KIAA0586: variants seen among roughly 807,000 people sequenced by gnomAD.
KIAA0586 encodes protein TALPID3.
A neutral mutation model predicts 169.8 loss-of-function variants in KIAA0586; 144 were observed. The ratio of observed to expected loss-of-function variants is 0.85; its 90% CI spans 0.74 to 0.97. KIAA0586 has a LOEUF of 0.97. KIAA0586 is among the 50% of genes least tolerant of loss of function. The pLI, the probability that KIAA0586 is intolerant of heterozygous loss-of-function variation, is 0.00. For synonymous variants in KIAA0586, 625 were observed against 612.4 expected (o/e 1.02, Z -0.30); for missense variants, 1,854 against 1,823.0 (o/e 1.02, Z -0.31).
intron 21 of KIAA0586, among the ~76,000 whole-genome samples, chr14:58,486,288 C>CT (rs1281447468): frequency 6.6e-6 from 1 of 152,094 alleles, no homozygotes. Context: ...GATTTTTGTT[C>CT]TTTTTTATGG....
chr14:58,487,868 T>TC lies in KIAA0586; in HGVS notation c.3305-19_3305-18insC. 7.0e-7 allele frequency: 1 copy of TC among 1,432,306 alleles called. No homozygotes were observed. The highest frequency in any genetic ancestry group is 9.2e-7 in the Non-Finnish European group (1 of 1,090,024). 88.7% of individuals were successfully genotyped at this position (1,432,306 alleles called of 1,614,324 possible). On this transcript the variant is annotated intron_variant, in intron 22 of 30. Transcript: ENST00000652326. ...ACTGACTACTATCTTTTTCTGTCCTTTTAAAAAAAAACCTTTAGGAGATGA... is the reference window on the plus strand; with the variant it reads ...ACTGACTACTATCTTTTTCTGTCCTTCTTAAAAAAAAACCTTTAGGAGATGA...
intron 4 of KIAA0586, among the ~76,000 whole-genome samples, chr14:58,436,742 A>G (rs1322195122): frequency 6.6e-6 from 1 of 152,222 alleles, no homozygotes; most frequent in African/African-American, 2.4e-5. Context: ...GAATACATTC[A>G]GTTTGGAATA....
chr14:58,436,706 C>T (rs2037850103), intron 4 of KIAA0586, among the ~76,000 whole-genome samples: 1 of 151,996 alleles, frequency 6.6e-6, no homozygotes, highest in Admixed American at 6.6e-5. Context: ...TATACATACA[C>T]ACAGAATTAA....
rs552791846 is a variant in KIAA0586 at position 58,450,604 on chromosome 14, G to T, written c.987G>T (p.Thr329=). The change falls in exon 8 of 31, where the codon ACG becomes ACT. Residue 329 remains threonine, a synonymous_variant. Transcript: ENST00000652326. ...CACCTTTAAAAGAAGTTGAAGATAC[G>T]AGTTTTGATAAACAGAAATCTCCTT... ...KQAPLKEVED[T]SFDKQKSPLE... is the part of the protein sequence containing the mutation. The T allele has an allele frequency of 6.2e-7, 1 of 1,607,568 alleles. No individual in the cohort carries two copies. Among genetic ancestry groups the T allele is most frequent in the South Asian group, 1.1e-5 (1 of 89,646 alleles).
chr14:58,458,361 A>G (rs2040044747), intron 11 of KIAA0586, 112 bp from the exon 12 acceptor site: 2 of 637,356 alleles, frequency 3.1e-6, no homozygotes, highest in Non-Finnish European at 5.5e-6. Flanking sequence ...TCCTTTTCAG[A>G]TGAAAGATAT....
At chr14:58,487,739 C>A (rs1317954386) in intron 22 of KIAA0586, 148 bp from the exon 23 acceptor site, 31 of 603,066 alleles carry the variant, frequency 5.1e-5, no homozygotes. Flanking sequence ...TTAATGGCTA[C>A]CACCATTGTC....
At chr14:58,472,426 A>AGTAATTTATCAT in intron 18 of KIAA0586, 147 bp downstream of exon 18, 1 of 433,888 alleles carries the variant, frequency 2.3e-6, no homozygotes. Flanking sequence ...AAAAATTATA[A>AGTAATTTATCAT]AGTTGTTATT....
rs1191856849 is a variant in KIAA0586, at chr14:58,498,840, G to T, written c.4048G>T (p.Ala1350Ser). ...AGGACAAAGACCCCAGCTAACAGCG[G>T]CAGCAGAGAACATCTTAATGGGACA... ...SEGQRPQLTA[A>S]AENILMGHSL... The change falls in exon 27 of 31, where the codon GCA (alanine) becomes TCA (serine). Residue 1350 changes from alanine (A) to serine (S), a missense_variant. By Grantham distance (99) the Ala-to-Ser change is moderately conservative. Transcript: ENST00000652326. The T allele has an allele frequency of 6.2e-7, 1 of 1,611,468 alleles. No individual in the cohort carries two copies. The highest frequency in any genetic ancestry group is 1.3e-5 in the African/African-American group (1 of 75,024).
At chr14:58,489,007 A>G (rs1016664218) in intron 24 of KIAA0586, 133 bp downstream of exon 24, 4 of 906,652 alleles carry the variant, frequency 4.4e-6, no homozygotes, top group African/African-American at 3.4e-5. Flanking sequence ...AGGGGACTCA[A>G]TGCAATTTAG....
At chr14:58,453,278 A>G in intron 8 of KIAA0586, 72 bp from the exon 9 acceptor site, 1 of 833,486 alleles carries the variant, frequency 1.2e-6, no homozygotes, top group Non-Finnish European at 1.7e-6. Flanking sequence ...CAGAATACAA[A>G]TATGTGAGAT....
In KIAA0586 at chr14:58,474,689, A is replaced by G; in HGVS notation, c.2717A>G (p.Tyr906Cys). The G allele has an allele frequency of 6.2e-7, 1 of 1,613,454 alleles. No individual in the cohort carries two copies. The highest frequency in any genetic ancestry group is 8.5e-7 in the Non-Finnish European group (1 of 1,179,552). The change falls in exon 19 of 31, where the codon TAT (tyrosine) becomes TGT (cysteine). Residue 906 changes from tyrosine to cysteine, a missense_variant. Coordinates refer to ENST00000652326, the MANE Select transcript of KIAA0586 (RefSeq NM_001329943.3). Reference protein sequence around the residue: ...NRSVKADSTKYNGPPFPPVAS... With the variant: ...NRSVKADSTKCNGPPFPPVAS... ...AGTGTTAAAGCTGATTCTACAAAAT[A>G]TAATGGTCCTCCATTTCCGCCAGTT...
At chr14:58,516,831 CCA>C (rs1658525876) in intron 29 of KIAA0586, among the ~76,000 whole-genome samples, 1 of 151,982 alleles carries the variant, frequency 6.6e-6, no homozygotes, top group African/African-American at 2.4e-5. Flanking sequence ...AAAAAAAAGT[CCA>C]CACATTTATG....
chr14:58,484,894 A>ATATATATATTTATATATATATT (rs1397286434), intron 21 of KIAA0586, among the ~76,000 whole-genome samples: 15 of 5,834 alleles, frequency 2.6e-3, no homozygotes, highest in South Asian at 4.6e-3. Flanking sequence ...ATATATTTAT[A>ATATATATATTTATATATATATT]TATATATATA....
chr14:58,490,658 G>C (rs775569306), intron 25 of KIAA0586, among the ~76,000 whole-genome samples: 24 of 151,910 alleles, frequency 1.6e-4, no homozygotes, highest in Non-Finnish European at 2.5e-4. Flanking sequence ...GGCTTAAAAA[G>C]AAAAATGAGG....
chr14:58,442,429 C>T lies in KIAA0586; in HGVS notation c.411-277C>T, dbSNP rs996430311. On this transcript the variant is annotated intron_variant, in intron 4 of 30. Coordinates refer to ENST00000652326, the MANE Select transcript of KIAA0586 (RefSeq NM_001329943.3). ...TTGTGAGTGTTTTAAATTTGTACTT[C>T]TTGAAAATGTCTTTATAATTGTGCT... is the stretch of plus-strand genomic sequence containing the variant. 2.6e-5 allele frequency among the ~76,000 whole-genome samples: 4 copies of T among 152,260 alleles called. No homozygotes were observed. The South Asian group carries it at 8.3e-4, about 32-fold the overall frequency.
chr14:58,541,488 C>T (rs1390089634), intron 30 of KIAA0586, among the ~76,000 whole-genome samples: 8 of 152,168 alleles, frequency 5.3e-5, no homozygotes, highest in Non-Finnish European at 1.5e-5. Flanking sequence ...TAAATAATTA[C>T]AGTGCAGTCT....
At chr14:58,459,771 C>A in intron 12 of KIAA0586, 72 bp from the exon 13 acceptor site, 1 of 846,884 alleles carries the variant, frequency 1.2e-6, no homozygotes, top group Non-Finnish European at 1.8e-6. Context: ...AAAATAAATT[C>A]TAATACTTTC....
intron 29 of KIAA0586, among the ~76,000 whole-genome samples, chr14:58,528,572 A>T (rs902430629): frequency 6.6e-6 from 1 of 152,236 alleles, no homozygotes; most frequent in African/African-American, 2.4e-5. Flanking sequence ...GCACAACTAC[A>T]TGGAAACTGA....
chr14:58,510,050 G>A (rs2044275489), intron 28 of KIAA0586, among the ~76,000 whole-genome samples: 1 of 152,164 alleles, frequency 6.6e-6, no homozygotes. Context: ...ACCCAGAGAA[G>A]ATAATATAAA....
Sources: gnomAD v4.1 joint callset for allele counts (sites outside exome capture counted in the v4.1 genomes callset) on GRCh38, gnomAD v4.1.1 for gene constraint, MANE v1.5 for transcripts, NCBI Gene and HGNC (gene_info 2026-07-23, HGNC 2026-07-21) for gene names.